Variants in PTPRN2 observed in about 807,000 individuals in gnomAD.
The protein encoded by PTPRN2 is protein tyrosine phosphatase receptor type N2.
A neutral mutation model predicts 118.8 loss-of-function variants in PTPRN2; 74 were observed. The observed-to-expected ratio is 0.62, with a 90% CI of 0.52 to 0.76. The LOEUF (loss-of-function observed/expected upper bound fraction) is 0.76. Among genes scored for constraint, PTPRN2 ranks in the 30% least tolerant of loss-of-function variants. The probability of loss-of-function intolerance (pLI) is 0.00; values close to 1 mark genes in which losing one functional copy is unlikely to be tolerated. For synonymous variants in PTPRN2, 641 were observed against 608.0 expected (o/e 1.05, Z -0.80); for missense variants, 1,481 against 1,394.4 (o/e 1.06, Z -0.99).
intron 14 of PTPRN2, among the ~76,000 whole-genome samples, chr7:157,654,262 A>C (rs1412617364): frequency 7.3e-5 from 4 of 54,720 alleles, no homozygotes; most frequent in Admixed American, 4.8e-4. Context: ...ACCACTCCCC[A>C]CACCCACCCC....
In PTPRN2 at chr7:158,525,723, C is replaced by T. The variant is rs752869171; in HGVS notation, c.113-35938G>A. ...GCCCTCCTCATTCCCAAGCAGCCCT[C>T]GGGGGCAGATGCCCCCATCTCCCAG... On this transcript the variant is annotated intron_variant, in intron 1 of 22. Transcript: ENST00000389418. This position sits in a 1 kb window ranked among gnomAD's most constrained non-coding sequence, Gnocchi z 4.1. 2.5e-4 allele frequency among the ~76,000 whole-genome samples: 38 copies of T among 152,226 alleles called. No individual in the cohort carries two copies. The highest frequency in any genetic ancestry group is 4.9e-4 in the Non-Finnish European group (33 of 68,038).
chr7:158,192,706 G>A (rs920367243), intron 4 of PTPRN2, among the ~76,000 whole-genome samples: 6 of 152,196 alleles, frequency 3.9e-5, no homozygotes, highest in Non-Finnish European at 4.4e-5. Context: ...CACCTGCCTC[G>A]TGGTTGTGGG....
intron 9 of PTPRN2, among the ~76,000 whole-genome samples, chr7:158,127,155 G>A (rs752478226): frequency 5.3e-5 from 8 of 152,142 alleles, no homozygotes; most frequent in African/African-American, 1.9e-4. Context: ...TCCCTCAGCC[G>A]GCCTCCCCGC....
chr7:157,930,354 C>T (rs4716814), intron 11 of PTPRN2, among the ~76,000 whole-genome samples: 90,408 of 151,658 alleles, frequency 0.6, 27,070 homozygotes, highest in Admixed American at 0.65. Context: ...TCCTGGTGCC[C>T]CTCGTGATTC....
At chr7:158,221,423 A>G (rs1828360383) in intron 3 of PTPRN2, among the ~76,000 whole-genome samples, 1 of 152,216 alleles carries the variant, frequency 6.6e-6, no homozygotes, top group African/African-American at 2.4e-5. Flanking sequence ...ACAGGTAAAT[A>G]GACAACCTAT....
intron 10 of PTPRN2, among the ~76,000 whole-genome samples, chr7:158,095,738 A>G (rs1260578458): frequency 1.3e-5 from 2 of 152,192 alleles, no homozygotes; most frequent in African/African-American, 4.8e-5. Context: ...GTAGGAGTGT[A>G]TACTTTCTGG....
At chr7:157,567,813 C>T (rs529787228) in intron 21 of PTPRN2, among the ~76,000 whole-genome samples, 3 of 152,198 alleles carry the variant, frequency 2.0e-5, no homozygotes, top group East Asian at 1.9e-4. Context: ...GGGACGCTAA[C>T]GGGTATCGCA....
intron 3 of PTPRN2, among the ~76,000 whole-genome samples, chr7:158,264,880 T>A (rs1797768742): frequency 2.0e-5 from 3 of 152,186 alleles, no homozygotes; most frequent in South Asian, 4.1e-4. Flanking sequence ...CGGGAGGAGC[T>A]GTCCCATGGA....
chr7:158,032,828 G>A (rs568554465), intron 11 of PTPRN2, among the ~76,000 whole-genome samples: 22 of 152,288 alleles, frequency 1.4e-4, no homozygotes, highest in East Asian at 1.9e-4. Context: ...TGTGGAGGAC[G>A]GTACATCTTC....
At chr7:158,232,636 C>T (rs6949642) in intron 3 of PTPRN2, among the ~76,000 whole-genome samples, 2 of 150,072 alleles carry the variant, frequency 1.3e-5, no homozygotes, top group African/African-American at 4.9e-5. Flanking sequence ...AAAGACAAGA[C>T]AAAAAAAAAG....
chr7:158,529,901 C>T lies in PTPRN2; in HGVS notation c.113-40116G>A, dbSNP rs538002944. ...ATATGCACACCACACACGTGCCACA[C>T]ACAGCACACATATGCACGCTACCAC... On this transcript the variant is annotated intron_variant, in intron 1 of 22. Transcript: ENST00000389418. This position sits in a 1 kb window ranked among gnomAD's most constrained non-coding sequence, Gnocchi z 4.7. Among the ~76,000 whole-genome samples the T allele has an allele frequency of 2.2e-4, 33 of 152,208 alleles. No individual in the cohort carries two copies. The highest frequency in any genetic ancestry group is 1.5e-3 in the South Asian group (7 of 4,812).
At chr7:157,706,067 G>A (rs192246156) in intron 12 of PTPRN2, among the ~76,000 whole-genome samples, 28 of 151,594 alleles carry the variant, frequency 1.8e-4, no homozygotes, top group African/African-American at 5.6e-4. Context: ...CTAGAATGCC[G>A]GGAACTGAGC....
chr7:157,804,299 G>A (rs1805495241), intron 12 of PTPRN2, among the ~76,000 whole-genome samples: 1 of 152,202 alleles, frequency 6.6e-6, no homozygotes, highest in African/African-American at 2.4e-5. Flanking sequence ...AATTTGCTAA[G>A]GCTGGGAATT....
At chr7:158,485,959 C>A (rs754096096) in intron 2 of PTPRN2, among the ~76,000 whole-genome samples, 9 of 152,186 alleles carry the variant, frequency 5.9e-5, no homozygotes, top group Non-Finnish European at 8.8e-5. Flanking sequence ...TTTTTGAACA[C>A]TTCTCTTTTA....
At chr7:158,551,205 C>CA (rs781151031) in intron 1 of PTPRN2, among the ~76,000 whole-genome samples, 5 of 152,264 alleles carry the variant, frequency 3.3e-5, no homozygotes, top group Admixed American at 1.3e-4. Flanking sequence ...TGCGGATGGT[C>CA]ACTGCCTTGC....
intron 11 of PTPRN2, among the ~76,000 whole-genome samples, chr7:157,942,727 C>T (rs757338140): frequency 1.3e-5 from 2 of 152,120 alleles, no homozygotes; most frequent in Non-Finnish European, 2.9e-5. Flanking sequence ...CCTGTGCTCA[C>T]GGAGAACTGC....
At chr7:158,095,650 T>G (rs1194992003) in intron 10 of PTPRN2, among the ~76,000 whole-genome samples, 2 of 152,150 alleles carry the variant, frequency 1.3e-5, no homozygotes, top group Admixed American at 1.3e-4. Flanking sequence ...AATAAGCCCC[T>G]GTTATGGGCC....
chr7:157,622,847 G>A lies in PTPRN2; in HGVS notation c.2197-1338C>T, dbSNP rs981299321. 3.9e-5 allele frequency among the ~76,000 whole-genome samples: 6 copies of A among 152,298 alleles called. No individual in the cohort carries two copies. Among genetic ancestry groups the A allele is most frequent in the South Asian group, 2.1e-4 (1 of 4,820 alleles). ...GGAAAAGCAGAGGGACTCCAGTGCC[G>A]TTGAGAAGCCGCACCGACTGCCTGC... On this transcript the variant is annotated intron_variant, in intron 14 of 22. Coordinates refer to ENST00000389418, the MANE Select transcript of PTPRN2 (RefSeq NM_002847.5). The surrounding 1 kb of genome is among the most constrained non-coding windows in gnomAD (Gnocchi z 5.3).
At chr7:158,181,588 T>G (rs184620197) in intron 5 of PTPRN2, among the ~76,000 whole-genome samples, 6 of 152,280 alleles carry the variant, frequency 3.9e-5, no homozygotes, top group Admixed American at 1.3e-4. Flanking sequence ...TTATGGGCAA[T>G]TTTTAAGTTA....
Sources: gnomAD v4.1 joint callset for allele counts (sites outside exome capture counted in the v4.1 genomes callset) on GRCh38, gnomAD v4.1.1 for gene constraint, Gnocchi (gnomAD v3.1) non-coding constraint, MANE v1.5 for transcripts, NCBI Gene and HGNC (gene_info 2026-07-23, HGNC 2026-07-21) for gene names.